The following TBC1D31 variants were observed in gnomAD, a reference collection of about 807,000 sequenced individuals.
The protein encoded by TBC1D31 is WD repeat domain 67.
In TBC1D31, 99 loss-of-function variants were observed where a neutral mutation model predicts 132.9. The observed-to-expected ratio is 0.74, with a 90% CI of 0.63 to 0.88. The LOEUF is 0.88. Ranked by LOEUF, TBC1D31 falls within the 40% of genes least tolerant of loss-of-function variation. The pLI, the probability that TBC1D31 is intolerant of heterozygous loss-of-function variation, is 0.00. For synonymous variants in TBC1D31, 385 were observed against 419.4 expected (o/e 0.92, Z 1.00); for missense variants, 1,134 against 1,256.6 (o/e 0.90, Z 1.48).
chr8:123,118,369 G>GT (rs941407892), intron 10 of TBC1D31, among the ~76,000 whole-genome samples: 11 of 151,948 alleles, frequency 7.2e-5, no homozygotes, highest in Middle Eastern at 3.4e-3. Context: ...TATTTTTGCA[G>GT]TTTTTTTTGT....
At chr8:123,079,227 A>G (rs928766316) in intron 2 of TBC1D31, among the ~76,000 whole-genome samples, 40 of 152,254 alleles carry the variant, frequency 2.6e-4, no homozygotes, top group African/African-American at 9.6e-4. Flanking sequence ...TGCTATAAAG[A>G]ACTTATTAGG....
At chr8:123,120,380 A>G (rs1470455252) in intron 11 of TBC1D31, among the ~76,000 whole-genome samples, 192 bp downstream of exon 11, 1 of 152,242 alleles carries the variant, frequency 6.6e-6, no homozygotes, top group Admixed American at 6.5e-5. Flanking sequence ...TATTTAGAAG[A>G]AAATCTGGAG....
intron 4 of TBC1D31, among the ~76,000 whole-genome samples, chr8:123,091,708 G>A (rs926372229): frequency 6.6e-6 from 1 of 152,154 alleles, no homozygotes; most frequent in Non-Finnish European, 1.5e-5. Flanking sequence ...GTGTTGTACA[G>A]ATGACACACA....
chr8:123,119,172 A>AC (rs2130687899), intron 10 of TBC1D31, among the ~76,000 whole-genome samples: 1 of 152,290 alleles, frequency 6.6e-6, no homozygotes, highest in African/African-American at 2.4e-5. Flanking sequence ...AGTATGAAAA[A>AC]CAGGCATCCC....
In TBC1D31 at chr8:123,129,097, G is replaced by T; in HGVS notation, c.2149G>T (p.Asp717Tyr). 2.5e-6 allele frequency: 4 copies of T among 1,604,396 alleles called. No homozygotes were observed. The highest frequency in any genetic ancestry group is 3.4e-6 in the Non-Finnish European group (4 of 1,173,792). ...QTVEDMQAKV[D>Y]QQRVEDEAWY... ...AGTTGAAGATATGCAAGCTAAAGTC[G>T]ACCAGCAAAGAGTTGAAGATGAAGC... The change falls in exon 15 of 22, where the codon GAC (aspartate) becomes TAC (tyrosine). Residue 717 changes from aspartate to tyrosine, a missense_variant. Physicochemically the swap from Asp to Tyr is radical, Grantham distance 160. Coordinates refer to ENST00000287380, the MANE Select transcript of TBC1D31 (RefSeq NM_145647.4).
intron 2 of TBC1D31, among the ~76,000 whole-genome samples, chr8:123,081,231 C>T (rs1385079817): frequency 2.0e-5 from 3 of 152,154 alleles, no homozygotes; most frequent in African/African-American, 7.2e-5. Flanking sequence ...ATGTTGTGCT[C>T]CCCAGACATC....
At chr8:123,092,448 ATATATAGTATATGTAGAAC>A (rs1159352196) in intron 4 of TBC1D31, among the ~76,000 whole-genome samples, 3 of 152,120 alleles carry the variant, frequency 2.0e-5, no homozygotes, top group African/African-American at 7.2e-5. Context: ...TTTTTACTCT[ATATATAGTATATGTAGAAC>A]TATATACTAA....
the TBC1D31 span, among the ~76,000 whole-genome samples, chr8:123,163,974 C>T: frequency 5.3e-4 from 81 of 152,330 alleles, no homozygotes; most frequent in Non-Finnish European, 9.3e-4. Flanking sequence ...TTCCTCCTCC[C>T]TTAGTGCCTG....
intron 11 of TBC1D31, among the ~76,000 whole-genome samples, chr8:123,122,917 A>C (rs1819630340): frequency 6.6e-6 from 1 of 152,164 alleles, no homozygotes; most frequent in South Asian, 2.1e-4. Flanking sequence ...GATTTTTATC[A>C]AGGGTCTCAA....
intron 20 of TBC1D31, among the ~76,000 whole-genome samples, chr8:123,145,277 A>G (rs1309578895): frequency 1.3e-5 from 2 of 152,196 alleles, no homozygotes; most frequent in African/African-American, 2.4e-5. Context: ...CTACTGCTCA[A>G]GTAAAAGGTA....
the TBC1D31 span, among the ~76,000 whole-genome samples, chr8:123,162,952 C>G: frequency 6.6e-6 from 1 of 152,198 alleles, no homozygotes. Context: ...CCTGCCTCAG[C>G]CTCCTGAGTA....
chr8:123,082,966 C>T, intron 3 of TBC1D31, 149 bp downstream of exon 3: 1 of 601,166 alleles, frequency 1.7e-6, no homozygotes, highest in Non-Finnish European at 2.9e-6. Context: ...GTCCTAGAAA[C>T]AGCCTCACTT....
chr8:123,083,039 A>G, intron 3 of TBC1D31: 1 of 490,482 alleles, frequency 2.0e-6, no homozygotes, highest in Non-Finnish European at 3.6e-6. Context: ...ATTTACTAGA[A>G]CAACTCACAG....
chr8:123,157,199 G>T, the TBC1D31 span, among the ~76,000 whole-genome samples: 2 of 152,112 alleles, frequency 1.3e-5, no homozygotes, highest in South Asian at 4.1e-4. Context: ...TCTTTCCGGC[G>T]GGGTTGTACG....
rs55959319 is a variant in TBC1D31 at position 123,129,100 on chromosome 8, C to A, written c.2152C>A (p.Gln718Lys). The A allele has an allele frequency of 3.0e-3, 4,866 of 1,604,886 alleles. 131 individuals are homozygous for A. The African/African-American group carries it at 0.056, about 18-fold the overall frequency. ...TGAAGATATGCAAGCTAAAGTCGACCAGCAAAGAGTTGAAGATGAAGCTTG... is the reference window on the plus strand; with the variant it reads ...TGAAGATATGCAAGCTAAAGTCGACAAGCAAAGAGTTGAAGATGAAGCTTG... ...TVEDMQAKVD[Q>K]QRVEDEAWYQ... Residue 718 changes from glutamine to lysine, a missense_variant, in exon 15 of 22, where the codon CAG (glutamine) becomes AAG (lysine). By Grantham distance (53) the Gln-to-Lys change is moderately conservative (BLOSUM62 1). Transcript: ENST00000287380.
At chr8:123,162,276 A>G in the TBC1D31 span, among the ~76,000 whole-genome samples, 1 of 152,024 alleles carries the variant, frequency 6.6e-6, no homozygotes. Context: ...GTTTATTAGA[A>G]GCCCATTTTA....
intron 20 of TBC1D31, among the ~76,000 whole-genome samples, chr8:123,148,835 C>T (rs892312601): frequency 6.6e-6 from 1 of 152,120 alleles, no homozygotes; most frequent in African/African-American, 2.4e-5. Context: ...AGGAGTTCGA[C>T]CTGGCCGACA....
In TBC1D31 at chr8:123,126,159, A is replaced by G. The variant is rs773935442; in HGVS notation, c.1674A>G (p.Gln558=). Residue 558 remains glutamine (Q), a synonymous_variant, in exon 12 of 22, where the codon CAA becomes CAG. Coordinates refer to ENST00000287380, the MANE Select transcript of TBC1D31 (RefSeq NM_145647.4). ...CATTTCATGACAAGGAACTGCTGCA[A>G]CACTTCATAGATCATGATATAACCT... ...VLAFHDKELL[Q]HFIDHDITSQ... The G allele has an allele frequency of 6.2e-7, 1 of 1,612,512 alleles. No homozygotes were observed. The highest frequency in any genetic ancestry group is 8.5e-7 in the Non-Finnish European group (1 of 1,179,412).
chr8:123,140,551 A>G (rs545211261), intron 17 of TBC1D31, among the ~76,000 whole-genome samples: 39 of 152,136 alleles, frequency 2.6e-4, no homozygotes, highest in Non-Finnish European at 5.3e-4. Context: ...ATTTTTTTTT[A>G]TCAGTGTTCT....
Sources: gnomAD v4.1 joint callset for allele counts (sites outside exome capture counted in the v4.1 genomes callset) on GRCh38, gnomAD v4.1.1 for gene constraint, MANE v1.5 for transcripts, NCBI Gene and HGNC (gene_info 2026-07-23, HGNC 2026-07-21) for gene names.